Variants in IQCE observed in about 807,000 individuals in gnomAD.
IQCE encodes the protein IQ domain-containing protein E.
In IQCE, 115 loss-of-function variants were observed where a neutral mutation model predicts 96.0. That is an observed-to-expected ratio of 1.20 (90% CI 1.03 to 1.40). The LOEUF (loss-of-function observed/expected upper bound fraction) is 1.40. Among genes scored for constraint, IQCE ranks in the 40% most tolerant of loss-of-function variants. The pLI is 0.00. For synonymous variants in IQCE, 412 were observed against 371.2 expected (o/e 1.11, Z -1.26); for missense variants, 1,041 against 909.1 (o/e 1.15, Z -1.87).
chr7:2,582,275 C>A (rs1782733317), intron 8 of IQCE, among the ~76,000 whole-genome samples: 1 of 152,262 alleles, frequency 6.6e-6, no homozygotes, highest in Admixed American at 6.5e-5. Flanking sequence ...CAAGGGCACA[C>A]CCTGCTCTGT....
chr7:2,572,858 C>A lies in IQCE; in HGVS notation c.394+532C>A, dbSNP rs145510886. On this transcript the variant is annotated intron_variant, in intron 5 of 21. Transcript: ENST00000402050. ...CGTGCCCGGCCTCTCTCTTTATCCA[C>A]GTGTTTCCCACCTATCCTCCTTAAG... The A allele has an allele frequency of 7.4e-4, 298 of 404,140 alleles. 2 individuals carry two copies. The highest frequency in any genetic ancestry group is 5.6e-3 in the African/African-American group (268 of 47,654). The allele number at this position is 404,140 out of a possible 1,614,324, so 25.0% of individuals were successfully genotyped here.
chr7:2,589,995 T>C lies in IQCE; in HGVS notation c.1133T>C (p.Leu378Pro). 3 of 1,613,930 alleles carry C rather than the reference T, an allele frequency of 1.9e-6. No homozygotes were observed. The highest frequency in any genetic ancestry group is 2.5e-6 in the Non-Finnish European group (3 of 1,180,010). ...GCCTGCCTTGCATCCAGCTCTGCGCTGCACAGACAGCCACGAGGGGACCGC... is the reference window on the plus strand; with the variant it reads ...GCCTGCCTTGCATCCAGCTCTGCGCCGCACAGACAGCCACGAGGGGACCGC... ...PPACLASSSA[L>P]HRQPRGDRNK... Residue 378 changes from leucine (L) to proline (P), a missense_variant, in exon 14 of 22, where the codon CTG (leucine) becomes CCG (proline). Leu to Pro is a moderately conservative substitution (Grantham distance 98). Transcript: ENST00000402050.
intron 11 of IQCE, 69 bp from the exon 12 acceptor site, chr7:2,586,139 C>A: frequency 7.0e-7 from 1 of 1,426,582 alleles, no homozygotes; most frequent in Non-Finnish European, 9.5e-7. Context: ...ATTCACCTGT[C>A]CCTCGTTTCA....
intron 19 of IQCE, 101 bp from the exon 20 acceptor site, chr7:2,605,775 C>T: frequency 2.4e-6 from 3 of 1,271,340 alleles, no homozygotes; most frequent in Non-Finnish European, 1.0e-6. Context: ...AAACTGAGCT[C>T]TTCCTGTCTC....
intron 8 of IQCE, among the ~76,000 whole-genome samples, chr7:2,580,487 C>T (rs983170411): frequency 1.3e-5 from 2 of 152,046 alleles, no homozygotes; most frequent in Non-Finnish European, 2.9e-5. Context: ...TGGCGCGTGC[C>T]TGTAATCCCA....
rs929561371 is a variant in IQCE, at chr7:2,610,237, A to G, written c.*75A>G. The G allele has an allele frequency of 5.6e-6, 5 of 891,700 alleles. No individual in the cohort carries two copies. Among genetic ancestry groups the G allele is most frequent in the African/African-American group, 3.3e-5 (2 of 61,288 alleles). The allele number at this position is 891,700 out of a possible 1,614,324, so 55.2% of individuals were successfully genotyped here. On this transcript the variant is annotated 3_prime_UTR_variant, in exon 22 of 22. Transcript: ENST00000402050. ...GGAACCACGACTGGAAAGATAATTT[A>G]TCGTGTTAGGAGAAGAACGATGATA...
intron 8 of IQCE, 90 bp downstream of exon 8, chr7:2,578,616 C>A: frequency 1.4e-6 from 2 of 1,397,892 alleles, no homozygotes; most frequent in Non-Finnish European, 2.0e-6. Context: ...GCAGCACCCA[C>A]GCGTGAAGAG....
chr7:2,604,213 C>T (rs1350847366), intron 18 of IQCE, among the ~76,000 whole-genome samples: 1 of 152,086 alleles, frequency 6.6e-6, no homozygotes. Flanking sequence ...GTCTCAAACT[C>T]CTGGGCTCAA....
intron 18 of IQCE, among the ~76,000 whole-genome samples, chr7:2,604,072 T>C (rs1421138973): frequency 6.7e-6 from 1 of 149,594 alleles, no homozygotes; most frequent in Non-Finnish European, 1.5e-5. Context: ...CACTGCAACC[T>C]CTGCCTCCCA....
intron 12 of IQCE, 106 bp from the exon 13 acceptor site, chr7:2,587,716 G>T (rs1379790703): frequency 1.7e-6 from 2 of 1,148,132 alleles, no homozygotes; most frequent in Non-Finnish European, 2.6e-6. Context: ...CAGCCCCGCA[G>T]GCTGCTCCGG....
chr7:2,607,522 C>T (rs1784924239), intron 21 of IQCE: 7 of 1,292,246 alleles, frequency 5.4e-6, no homozygotes, highest in Non-Finnish European at 6.8e-6. Flanking sequence ...AGCATTTCTC[C>T]TGTTTGTTTG....
chr7:2,603,153 C>T (rs1390017821), intron 18 of IQCE, among the ~76,000 whole-genome samples: 1 of 152,192 alleles, frequency 6.6e-6, no homozygotes, highest in East Asian at 1.9e-4. Context: ...CCTCCAGCAG[C>T]CCTCAGGCCC....
intron 6 of IQCE, among the ~76,000 whole-genome samples, chr7:2,577,709 TGC>T (rs1289251709): frequency 9.3e-6 from 1 of 107,534 alleles, no homozygotes; most frequent in East Asian, 2.6e-4. Flanking sequence ...TGCGTGGCTG[TGC>T]GCGCGGGGAC....
intron 18 of IQCE, among the ~76,000 whole-genome samples, chr7:2,604,317 C>T (rs1377087770): frequency 6.6e-6 from 1 of 152,084 alleles, no homozygotes; most frequent in African/African-American, 2.4e-5. Context: ...TGCTGTGTTG[C>T]CCGGGCTGAT....
intron 17 of IQCE, among the ~76,000 whole-genome samples, chr7:2,599,545 G>C (rs936845663): frequency 6.6e-6 from 1 of 151,828 alleles, no homozygotes. Context: ...CACTCAGGCT[G>C]GAGTGCAGTG....
chr7:2,601,281 C>T (rs1583503100), intron 17 of IQCE, among the ~76,000 whole-genome samples, 160 bp from the exon 18 acceptor site: 1 of 152,226 alleles, frequency 6.6e-6, no homozygotes, highest in South Asian at 2.1e-4. Flanking sequence ...CTTACAAAGG[C>T]GTTTGTTTGC....
At chr7:2,602,668 C>T (rs1784513543) in intron 18 of IQCE, among the ~76,000 whole-genome samples, 2 of 152,218 alleles carry the variant, frequency 1.3e-5, no homozygotes, top group South Asian at 2.1e-4. Context: ...CTGCCCCACC[C>T]ATGTCCCCTT....
chr7:2,572,834 G>A (rs924021666), intron 5 of IQCE: 5 of 430,936 alleles, frequency 1.2e-5, no homozygotes, highest in East Asian at 7.0e-5. Context: ...ATGAGCCACC[G>A]TGCCCGGCCT....
intron 18 of IQCE, among the ~76,000 whole-genome samples, chr7:2,603,961 G>T (rs1198010672): frequency 1.3e-5 from 2 of 149,554 alleles, no homozygotes; most frequent in East Asian, 2.0e-4. Flanking sequence ...CGAAAATGGA[G>T]TGTGAACTTC....
Sources: allele counts gnomAD v4.1 joint callset (sites outside exome capture counted in the v4.1 genomes callset), GRCh38; gene constraint gnomAD v4.1.1; transcripts MANE v1.5; gene names NCBI Gene and HGNC (gene_info 2026-07-23, HGNC 2026-07-21).